The following NFIX variants were observed in gnomAD, a reference collection of about 807,000 sequenced individuals.
NFIX encodes the protein nuclear factor 1 X-type.
NFIX carries 2 observed loss-of-function variants against 53.3 expected under a neutral mutation model. The ratio of observed to expected loss-of-function variants is 0.04; its 90% CI spans 0.02 to 0.12. NFIX has a LOEUF of 0.12. Ranked by LOEUF, NFIX falls within the 10% of genes least tolerant of loss-of-function variation. NFIX has a pLI of 1.00. For synonymous variants in NFIX, 244 were observed against 289.0 expected (o/e 0.84, Z 1.58); for missense variants, 310 against 674.5 (o/e 0.46, Z 5.99).
At chr19:13,076,132 C>A (rs1307057752) in intron 6 of NFIX, among the ~76,000 whole-genome samples, 1 of 152,168 alleles carries the variant, frequency 6.6e-6, no homozygotes, top group Non-Finnish European at 1.5e-5. Context: ...ACCCCCACCC[C>A]CAGTTTTGAT....
chr19:13,050,680 C>G (rs1490688397), intron 2 of NFIX, among the ~76,000 whole-genome samples: 2 of 152,088 alleles, frequency 1.3e-5, no homozygotes, highest in African/African-American at 4.8e-5. Flanking sequence ...CAAGGTGTAC[C>G]TCCCATTACT....
At chr19:13,054,349 A>G (rs563314872) in intron 2 of NFIX, among the ~76,000 whole-genome samples, 2 of 152,316 alleles carry the variant, frequency 1.3e-5, no homozygotes, top group Admixed American at 6.5e-5. Context: ...GGCAGATTCA[A>G]TGTCTCCAAA....
At chr19:13,017,161 G>C (rs1216839587) in intron 1 of NFIX, among the ~76,000 whole-genome samples, 1 of 152,146 alleles carries the variant, frequency 6.6e-6, no homozygotes, top group African/African-American at 2.4e-5. Flanking sequence ...AGGACGCAGA[G>C]GGGGAGAGAG....
In NFIX at chr19:13,013,041, G is replaced by GC. The variant is rs1265578776; in HGVS notation, c.28-11978dup. Among the ~76,000 whole-genome samples, 1 of 149,672 alleles carries GC rather than the reference G, an allele frequency of 6.7e-6. No homozygotes were observed. The highest frequency in any genetic ancestry group is 2.4e-5 in the African/African-American group (1 of 41,060). Reference sequence around the variant, plus strand: ...CCCTTTCTCTCTCTTCTGCCTTCGGGCCGCGGGGAGTTGCGCAGACTCTAA... The same window carrying GC: ...CCCTTTCTCTCTCTTCTGCCTTCGGGCCCGCGGGGAGTTGCGCAGACTCTAA... On this transcript the variant is annotated intron_variant, in intron 1 of 10. Coordinates refer to ENST00000592199, the MANE Select transcript of NFIX (RefSeq NM_001365902.3). This position sits in a 1 kb window ranked among gnomAD's most constrained non-coding sequence, Gnocchi z 5.9.
chr19:13,015,006 A>G (rs2012577361), intron 1 of NFIX, among the ~76,000 whole-genome samples: 2 of 152,340 alleles, frequency 1.3e-5, no homozygotes, highest in South Asian at 4.1e-4. Context: ...AAAATGGGCA[A>G]TAAATGGGCA....
chr19:13,020,005 A>C (rs2012884683), intron 1 of NFIX, among the ~76,000 whole-genome samples: 1 of 144,308 alleles, frequency 6.9e-6, no homozygotes, highest in African/African-American at 2.6e-5. Flanking sequence ...ATGTCCTTCT[A>C]CTCTGTGGCC....
chr19:13,083,868 G>A (rs1487090834), intron 8 of NFIX, among the ~76,000 whole-genome samples: 1 of 152,220 alleles, frequency 6.6e-6, no homozygotes, highest in African/African-American at 2.4e-5. Flanking sequence ...GCCCGGCTCC[G>A]CCACTGATCC....
chr19:13,090,250 G>A lies in NFIX; in HGVS notation c.1403-49G>A. 1.9e-6 allele frequency: 3 copies of A among 1,570,432 alleles called. No homozygotes were observed. The highest frequency in any genetic ancestry group is 2.6e-6 in the Non-Finnish European group (3 of 1,140,480). ...AGCCCCGAGGGGCAGTGCCCAGGTG[G>A]GCCCCAAGGCCTGACAGGGTCTCTC... On this transcript the variant is annotated intron_variant, in intron 9 of 10. Transcript: ENST00000592199. This position sits in a 1 kb window ranked among gnomAD's most constrained non-coding sequence, Gnocchi z 6.6.
At chr19:13,042,770 CA>C (rs1282569477) in intron 2 of NFIX, among the ~76,000 whole-genome samples, 4 of 150,654 alleles carry the variant, frequency 2.7e-5, no homozygotes, top group Admixed American at 1.3e-4. Flanking sequence ...CGTTCATCCC[CA>C]TTGTAAATTC....
chr19:13,072,557 G>A lies in NFIX; in HGVS notation c.560-490G>A, dbSNP rs1294316926. ...AGCTGGAGCTGGGTGGGGGATGGGG[G>A]ACCCTTGGGTCTGTCCCCGCTGTGG... On this transcript the variant is annotated intron_variant, in intron 2 of 10. Coordinates refer to ENST00000592199, the MANE Select transcript of NFIX (RefSeq NM_001365902.3). The surrounding 1 kb of genome is among the most constrained non-coding windows in gnomAD (Gnocchi z 4.0). Among the ~76,000 whole-genome samples, 1 of 152,252 alleles carries A rather than the reference G, an allele frequency of 6.6e-6. No individual in the cohort carries two copies. Among genetic ancestry groups the A allele is most frequent in the Non-Finnish European group, 1.5e-5 (1 of 68,048 alleles).
chr19:13,020,326 G>A (rs189478319), intron 1 of NFIX, among the ~76,000 whole-genome samples: 2 of 152,350 alleles, frequency 1.3e-5, no homozygotes, highest in Admixed American at 6.5e-5. Context: ...GAGGGGGCCC[G>A]CAGTGAAGGG....
Position 13,043,912 on chromosome 19 carries a change from C to T in NFIX, c.559+18360C>T, listed in dbSNP as rs1434098808. ...GGCCGATGTGGGAGGATCATTTGAG[C>T]CCAGGAGTTCGAGCCTGGGCCACGT... On this transcript the variant is annotated intron_variant, in intron 2 of 10. Coordinates refer to ENST00000592199, the MANE Select transcript of NFIX (RefSeq NM_001365902.3). This position sits in a 1 kb window ranked among gnomAD's most constrained non-coding sequence, Gnocchi z 4.0. 6.6e-6 allele frequency among the ~76,000 whole-genome samples: 1 copy of T among 152,120 alleles called. No individual in the cohort carries two copies. Among genetic ancestry groups the T allele is most frequent in the Non-Finnish European group, 1.5e-5 (1 of 68,012 alleles).
Position 13,059,211 on chromosome 19 carries a change from C to T in NFIX, c.560-13836C>T, listed in dbSNP as rs571188571. 2.6e-5 allele frequency among the ~76,000 whole-genome samples: 4 copies of T among 152,346 alleles called. No individual in the cohort carries two copies. The East Asian group carries it at 7.7e-4, about 29-fold the overall frequency. ...GGACATTGTGTATCTGAGCTGCAGC[C>T]TCTTGCAGCCGTTTCAAGGGCTGAT... On this transcript the variant is annotated intron_variant, in intron 2 of 10. Transcript: ENST00000592199.
intron 1 of NFIX, among the ~76,000 whole-genome samples, chr19:13,019,898 T>TC (rs375468931): frequency 2.6e-5 from 4 of 152,062 alleles, no homozygotes; most frequent in African/African-American, 9.6e-5. Context: ...GAAATACCTT[T>TC]CCCCCACAAT....
In NFIX at chr19:13,025,735, C is replaced by G. The variant is rs1485265852; in HGVS notation, c.559+183C>G. Among the ~76,000 whole-genome samples the G allele has an allele frequency of 6.6e-6, 1 of 152,210 alleles. No homozygotes were observed. The highest frequency in any genetic ancestry group is 1.9e-4 in the East Asian group (1 of 5,194). The stretch of plus-strand genomic sequence containing the variant: ...TCCTTTTTCCTGTCTTCTGTCTCCC[C>G]CGACCTGTTCTATTCTTCCTCCTCT... On this transcript the variant is annotated intron_variant, in intron 2 of 10. Coordinates refer to ENST00000592199, the MANE Select transcript of NFIX (RefSeq NM_001365902.3). This position sits in a 1 kb window ranked among gnomAD's most constrained non-coding sequence, Gnocchi z 7.5.
In NFIX at chr19:13,037,534, A is replaced by T. The variant is rs1159846261; in HGVS notation, c.559+11982A>T. Reference sequence around the variant, plus strand: ...TATAATCTTTTTAGGTGTATGGGAGATTGCTTCATATAGGGTGGGGAAGAA... The same window carrying T: ...TATAATCTTTTTAGGTGTATGGGAGTTTGCTTCATATAGGGTGGGGAAGAA... On this transcript the variant is annotated intron_variant, in intron 2 of 10. Coordinates refer to ENST00000592199, the MANE Select transcript of NFIX (RefSeq NM_001365902.3). This position sits in a 1 kb window ranked among gnomAD's most constrained non-coding sequence, Gnocchi z 4.2. 1.3e-5 allele frequency among the ~76,000 whole-genome samples: 2 copies of T among 152,120 alleles called. No homozygotes were observed. Among genetic ancestry groups the T allele is most frequent in the African/African-American group, 2.4e-5 (1 of 41,418 alleles).
At chr19:13,042,257 A>G (rs2014684912) in intron 2 of NFIX, among the ~76,000 whole-genome samples, 1 of 151,440 alleles carries the variant, frequency 6.6e-6, no homozygotes, top group Non-Finnish European at 1.5e-5. Flanking sequence ...AACTTTTCTA[A>G]TGACTTCTGT....
chr19:13,081,585 G>T lies in NFIX; in HGVS notation c.1079-95G>T. ...TGCCTTACCTGCTCAGGATCCTCAG[G>T]ACCCTCTGACCGGCAGCTCCCCTCC... On this transcript the variant is annotated intron_variant, in intron 7 of 10. Transcript: ENST00000592199. This position sits in a 1 kb window ranked among gnomAD's most constrained non-coding sequence, Gnocchi z 4.7. 1 of 1,341,688 alleles carries T rather than the reference G, an allele frequency of 7.5e-7. No homozygotes were observed. 83.1% of individuals were successfully genotyped at this position (1,341,688 alleles called of 1,614,324 possible). A position where few individuals can be genotyped will look rare whatever the true frequency, so the allele number is the denominator to read the frequency against.
rs558744637 is a variant in NFIX, at chr19:13,045,759, G to A, written c.559+20207G>A. On this transcript the variant is annotated intron_variant, in intron 2 of 10. Coordinates refer to ENST00000592199, the MANE Select transcript of NFIX (RefSeq NM_001365902.3). The surrounding 1 kb of genome is among the most constrained non-coding windows in gnomAD (Gnocchi z 4.4). ...CTGTCCGTTCTCCCTCCCTTTTCTCGTAGGCTTCTTCCTCCTCCAGTGCAA... is the reference window on the plus strand; with the variant it reads ...CTGTCCGTTCTCCCTCCCTTTTCTCATAGGCTTCTTCCTCCTCCAGTGCAA... 1.3e-5 allele frequency among the ~76,000 whole-genome samples: 2 copies of A among 152,148 alleles called. No homozygotes were observed. The highest frequency in any genetic ancestry group is 2.9e-5 in the Non-Finnish European group (2 of 68,030).
Sources: allele counts gnomAD v4.1 joint callset (sites outside exome capture counted in the v4.1 genomes callset), GRCh38; gene constraint gnomAD v4.1.1; non-coding constraint Gnocchi (gnomAD v3.1); transcripts MANE v1.5; gene names NCBI Gene and HGNC (gene_info 2026-07-23, HGNC 2026-07-21).